The following TAF15 variants were observed in gnomAD, a reference collection of about 807,000 sequenced individuals.
The protein encoded by TAF15 is TATA-box binding protein associated factor 15.
Under a neutral mutation model 102.5 loss-of-function variants are expected in TAF15, and 37 were observed. The observed-to-expected ratio is 0.36, with a 90% CI of 0.28 to 0.47. The LOEUF (loss-of-function observed/expected upper bound fraction) is 0.47. Ranked by LOEUF, TAF15 falls within the 20% of genes least tolerant of loss-of-function variation. TAF15 has a pLI of 0.99. For synonymous variants in TAF15, 273 were observed against 259.2 expected (o/e 1.05, Z -0.51); for missense variants, 652 against 760.7 (o/e 0.86, Z 1.68).
chr17:35,840,460 G>A (rs1027418987), intron 11 of TAF15, among the ~76,000 whole-genome samples: 8 of 150,498 alleles, frequency 5.3e-5, no homozygotes, highest in African/African-American at 1.9e-4. Flanking sequence ...CACTGTGTTA[G>A]CCAGGATGGT....
At position 35,844,480 on chromosome 17, in the gene TAF15, T is replaced by G. The variant is rs1301599242; in HGVS notation, c.1181T>G (p.Phe394Cys). 6.2e-7 allele frequency: 1 copy of G among 1,613,392 alleles called. No homozygotes were observed. Among genetic ancestry groups the G allele is most frequent in the Non-Finnish European group, 8.5e-7 (1 of 1,179,656 alleles). The change falls in exon 15 of 16, where the codon TTC (phenylalanine) becomes TGC (cysteine). Residue 394 changes from phenylalanine to cysteine, a missense_variant. Transcript: ENST00000605844. ...PEDSRPSGGD[F>C]RGRGYGGERG... ...TGTTTGCATTTCTACCTTGCAGATT[T>G]CCGGGGGAGAGGCTACGGTGGAGAG...
chr17:35,815,392 T>C (rs1019918878), intron 1 of TAF15, among the ~76,000 whole-genome samples: 1 of 152,232 alleles, frequency 6.6e-6, no homozygotes, highest in African/African-American at 2.4e-5. Context: ...CAAGGATTTA[T>C]ACCAAGGGAC....
chr17:35,809,632 G>C, intron 1 of TAF15, 56 bp downstream of exon 1: 2 of 1,611,710 alleles, frequency 1.2e-6, no homozygotes, highest in South Asian at 2.2e-5. Context: ...GGCGGGGTTG[G>C]GCTGTCTTCC....
chr17:35,835,095 GAC>G (rs2087458490), intron 9 of TAF15, among the ~76,000 whole-genome samples: 1 of 152,110 alleles, frequency 6.6e-6, no homozygotes. Flanking sequence ...GTATTGATGG[GAC>G]AGTTTGCTGG....
chr17:35,841,369 A>C (rs895104856), intron 11 of TAF15, among the ~76,000 whole-genome samples: 1 of 152,200 alleles, frequency 6.6e-6, no homozygotes, highest in Non-Finnish European at 1.5e-5. Flanking sequence ...AACAAATGGT[A>C]CCATACTTCA....
chr17:35,845,611 C>T (rs2087614741), intron 15 of TAF15, among the ~76,000 whole-genome samples: 1 of 152,018 alleles, frequency 6.6e-6, no homozygotes, highest in Admixed American at 6.6e-5. Context: ...CTCCTGGGTT[C>T]ACGCCATTCT....
intron 2 of TAF15, 107 bp from the exon 3 acceptor site, chr17:35,819,917 C>A: frequency 2.1e-6 from 2 of 967,418 alleles, no homozygotes; most frequent in South Asian, 1.4e-5. Context: ...GATTTCTCAG[C>A]AAAGAAGCTT....
chr17:35,823,838 G>A, intron 6 of TAF15: 1 of 578,540 alleles, frequency 1.7e-6, no homozygotes, highest in Non-Finnish European at 3.1e-6. Flanking sequence ...TAGCAGAATG[G>A]AATTTGACAC....
Position 35,809,557 on chromosome 17 carries a change from G to C in TAF15, c.-13G>C. The stretch of plus-strand genomic sequence containing the variant: ...CGGCGGGCTGTGGGGCCTCCGCGCC[G>C]CGGCCGTTAGTCATGTCGGGTAGGT... On this transcript the variant is annotated 5_prime_UTR_variant, in exon 1 of 16. Transcript: ENST00000605844. 6.2e-7 allele frequency: 1 copy of C among 1,613,262 alleles called. No homozygotes were observed. Among genetic ancestry groups the C allele is most frequent in the Non-Finnish European group, 8.5e-7 (1 of 1,179,830 alleles).
intron 11 of TAF15, 59 bp downstream of exon 11, chr17:35,838,612 A>G (rs1386644423): frequency 6.2e-7 from 1 of 1,611,322 alleles, no homozygotes; most frequent in Non-Finnish European, 8.5e-7. Context: ...CTAGTCTGAA[A>G]GTGAGAATAT....
chr17:35,834,634 G>GA lies in TAF15; in HGVS notation c.673+40dup, dbSNP rs759764675. The GA allele has an allele frequency of 3.2e-6, 5 of 1,562,608 alleles. No individual in the cohort carries two copies. In the East Asian group the frequency reaches 1.2e-4, roughly 38 times the overall value. On this transcript the variant is annotated intron_variant, in intron 9 of 15. Transcript: ENST00000605844. ...TGGTGGTTTGTCACTTTGCCATTAA[G>GA]AAAATGTTAGTTTTTTTTTTGATGG...
chr17:35,817,371 C>G (rs1383507251), intron 1 of TAF15: 2 of 273,416 alleles, frequency 7.3e-6, no homozygotes, highest in Admixed American at 4.9e-5. Context: ...CATGTCTTTC[C>G]CCTTTTTGGA....
chr17:35,819,004 G>A (rs1233860255), intron 2 of TAF15, among the ~76,000 whole-genome samples: 1 of 152,136 alleles, frequency 6.6e-6, no homozygotes, highest in African/African-American at 2.4e-5. Context: ...TTATGTGAGT[G>A]TATATATGCA....
chr17:35,832,189 G>C (rs1265015668), intron 7 of TAF15, among the ~76,000 whole-genome samples: 14 of 152,212 alleles, frequency 9.2e-5, no homozygotes, highest in Non-Finnish European at 1.5e-5. Context: ...GTTAGGCAGT[G>C]ATATACATGT....
At chr17:35,830,264 AAAT>A (rs1204318024) in intron 7 of TAF15, 2 of 152,186 alleles carry the variant, frequency 1.3e-5, no homozygotes, top group African/African-American at 2.4e-5. Context: ...AGACTAGGCA[AAAT>A]AGCAAGACAC....
intron 7 of TAF15, among the ~76,000 whole-genome samples, chr17:35,827,228 C>G (rs975149644): frequency 2.0e-5 from 3 of 151,256 alleles, no homozygotes; most frequent in African/African-American, 7.3e-5. Flanking sequence ...CCCAGCTACC[C>G]TGGAGGCTGA....
In TAF15 at chr17:35,842,506, A is replaced by G. The variant is rs1195923616; in HGVS notation, c.1006+47A>G. 7 of 1,436,276 alleles carry G rather than the reference A, an allele frequency of 4.9e-6. No homozygotes were observed. The East Asian group carries it at 1.4e-4, about 28-fold the overall frequency. The allele number at this position is 1,436,276 out of a possible 1,614,324, so 89.0% of individuals were successfully genotyped here. A position where few individuals can be genotyped will look rare whatever the true frequency, so the allele number is the denominator to read the frequency against. On this transcript the variant is annotated intron_variant, in intron 12 of 15. Coordinates refer to ENST00000605844, the MANE Select transcript of TAF15 (RefSeq NM_139215.3). ...GTCCTGGATACTATCCAAGGGTTTA[A>G]GTTTGAGTTCATACTCTGTTTCTAT...
intron 11 of TAF15, among the ~76,000 whole-genome samples, chr17:35,841,565 T>G (rs2087545757): frequency 6.6e-6 from 1 of 151,770 alleles, no homozygotes; most frequent in Admixed American, 6.6e-5. Context: ...CCACACCCAG[T>G]TAATTTTTTT....
At chr17:35,838,372 A>G in intron 10 of TAF15, 52 bp from the exon 11 acceptor site, 1 of 1,607,866 alleles carries the variant, frequency 6.2e-7, no homozygotes, top group Non-Finnish European at 8.5e-7. Context: ...TAAATGATAC[A>G]TGATTACTTA....
Sources: allele counts gnomAD v4.1 joint callset (sites outside exome capture counted in the v4.1 genomes callset), GRCh38; gene constraint gnomAD v4.1.1; transcripts MANE v1.5; gene names NCBI Gene and HGNC (gene_info 2026-07-23, HGNC 2026-07-21).